SUGP2: variants seen among roughly 807,000 people sequenced by gnomAD.
SUGP2 encodes the protein SURP and G-patch domain-containing protein 2.
Under a neutral mutation model 90.5 loss-of-function variants are expected in SUGP2, and 24 were observed. That is an observed-to-expected ratio of 0.27 (90% CI 0.19 to 0.37). The LOEUF is 0.37. Among genes scored for constraint, SUGP2 ranks in the 10% least tolerant of loss-of-function variants. SUGP2 has a pLI of 1.00. For synonymous variants in SUGP2, 473 were observed against 513.4 expected, an observed-to-expected ratio of 0.92 and a Z score of 1.06; for missense variants, 1,233 against 1,363.3, an observed-to-expected ratio of 0.90 and a Z score of 1.51.
chr19:19,032,966 T>G (rs1203346412), intron 1 of SUGP2: 1 of 139,020 alleles, frequency 7.2e-6, no homozygotes, highest in Non-Finnish European at 1.5e-5. Flanking sequence ...TGTTCTCTGC[T>G]GGCAAAGGGC....
chr19:19,031,072 G>A lies in SUGP2; in HGVS notation c.-1C>T. On this transcript the variant is annotated 5_prime_UTR_variant, in exon 2 of 11. Coordinates refer to ENST00000452918, the MANE Select transcript of SUGP2 (RefSeq NM_001017392.5). ...CCTGTGTAATTCGTCTGGCTGCCAT[G>A]TTATTTTGCCCTATGGTGAGAGAGA... The A allele has an allele frequency of 6.2e-7, 1 of 1,611,448 alleles. No homozygotes were observed. Among genetic ancestry groups the A allele is most frequent in the Non-Finnish European group, 8.5e-7 (1 of 1,179,404 alleles).
intron 1 of SUGP2, among the ~76,000 whole-genome samples, chr19:19,032,745 T>C (rs910489594): frequency 6.6e-6 from 1 of 152,126 alleles, no homozygotes; most frequent in Non-Finnish European, 1.5e-5. Context: ...AAAAAGGGTA[T>C]TCGTGCATCC....
chr19:19,021,159 CAAAA>C (rs386388689), intron 3 of SUGP2, among the ~76,000 whole-genome samples: 1 of 66,964 alleles, frequency 1.5e-5, no homozygotes, highest in African/African-American at 6.2e-5. Flanking sequence ...AATTCCATCT[CAAAA>C]AAAAAAAAAA....
rs550481274 is a variant in SUGP2 at position 19,029,255 on chromosome 19, C to A, written c.121+1696G>T. 7.9e-4 allele frequency among the ~76,000 whole-genome samples: 120 copies of A among 151,738 alleles called. 1 individual carries two copies. The highest frequency in any genetic ancestry group is 2.5e-3 in the African/African-American group (105 of 41,368). The stretch of plus-strand genomic sequence containing the variant: ...CTCCTGGGTTCACGCCATTCTCCTG[C>A]CTCAGCCTCCTGAGTAGCTGGGACT... On this transcript the variant is annotated intron_variant, in intron 2 of 10. Transcript: ENST00000452918.
chr19:19,016,147 T>C (rs1389542739), intron 4 of SUGP2, among the ~76,000 whole-genome samples: 1 of 152,098 alleles, frequency 6.6e-6, no homozygotes, highest in African/African-American at 2.4e-5. Flanking sequence ...AGTTCTTAGT[T>C]TGATGCTTAT....
In SUGP2 at chr19:19,024,581, G is replaced by GA. The variant is rs752153435; in HGVS notation, c.1729+37dup. The GA allele has an allele frequency of 4.5e-6, 7 of 1,558,010 alleles. No individual in the cohort carries two copies. The South Asian group carries it at 4.8e-5, about 11-fold the overall frequency. The stretch of plus-strand genomic sequence containing the variant: ...ATAAAAGACATTACCAAAGAAACAC[G>GA]AAAAACAACAAATAGAAACTTTGGC... On this transcript the variant is annotated intron_variant, in intron 3 of 10. Coordinates refer to ENST00000452918, the MANE Select transcript of SUGP2 (RefSeq NM_001017392.5).
At chr19:19,019,422 CAGT>C (rs2058624588) in intron 3 of SUGP2, among the ~76,000 whole-genome samples, 193 bp from the exon 4 acceptor site, 1 of 152,182 alleles carries the variant, frequency 6.6e-6, no homozygotes, top group Non-Finnish European at 1.5e-5. Flanking sequence ...AAAAATGTAA[CAGT>C]ATAACCACTA....
chr19:19,032,791 A>G (rs943242474), intron 1 of SUGP2, among the ~76,000 whole-genome samples: 2 of 152,130 alleles, frequency 1.3e-5, no homozygotes, highest in African/African-American at 2.4e-5. Context: ...ATTAAGCAAC[A>G]TTTTGGGGTC....
chr19:19,008,587 A>T (rs1268501049), intron 5 of SUGP2, among the ~76,000 whole-genome samples, 159 bp from the exon 6 acceptor site: 1 of 152,128 alleles, frequency 6.6e-6, no homozygotes, highest in Non-Finnish European at 1.5e-5. Flanking sequence ...CCAAGAAGTG[A>T]ACTCTGTGTA....
intron 4 of SUGP2, among the ~76,000 whole-genome samples, chr19:19,014,938 A>C (rs2058442042): frequency 6.6e-6 from 1 of 152,184 alleles, no homozygotes; most frequent in South Asian, 2.1e-4. Flanking sequence ...GCGGTGGCTC[A>C]TGCCTGTAAT....
chr19:19,022,954 G>C (rs1227928564), intron 3 of SUGP2, among the ~76,000 whole-genome samples: 3 of 152,198 alleles, frequency 2.0e-5, no homozygotes, highest in African/African-American at 7.2e-5. Context: ...CAAGAGTTAA[G>C]ACAGCATGAT....
intron 5 of SUGP2, among the ~76,000 whole-genome samples, chr19:19,008,980 T>G (rs936481496): frequency 6.6e-6 from 1 of 152,112 alleles, no homozygotes; most frequent in South Asian, 2.1e-4. Flanking sequence ...GGTGAGATCT[T>G]GGCTCAATGC....
At chr19:19,016,412 G>C (rs1372236824) in intron 4 of SUGP2, among the ~76,000 whole-genome samples, 1 of 152,046 alleles carries the variant, frequency 6.6e-6, no homozygotes, top group African/African-American at 2.4e-5. Flanking sequence ...GAGACCACTG[G>C]GCCATGTGCA....
intron 3 of SUGP2, among the ~76,000 whole-genome samples, 163 bp downstream of exon 3, chr19:19,024,456 C>G (rs961660789): frequency 6.6e-6 from 1 of 152,220 alleles, no homozygotes; most frequent in Non-Finnish European, 1.5e-5. Flanking sequence ...TACACATTCA[C>G]AGAATGAATG....
chr19:19,007,755 C>CTT lies in SUGP2; in HGVS notation c.2450+560_2450+561dup, dbSNP rs34670209. 1.9e-3 allele frequency among the ~76,000 whole-genome samples: 218 copies of CTT among 113,388 alleles called. 33 individuals are homozygous for CTT. Among genetic ancestry groups the CTT allele is most frequent in the Middle Eastern group, 0.011 (2 of 190 alleles). The allele number at this position is 113,388 out of a possible 152,430, so 74.4% of individuals were successfully genotyped here. A position where few individuals can be genotyped will look rare whatever the true frequency, so the allele number is the denominator to read the frequency against. ...ACAAGCATGAGCCATTGCACCTAGC[C>CTT]TTTTTTTTTTTTTTTTTTTTTGGAG... On this transcript the variant is annotated intron_variant, in intron 6 of 10. Transcript: ENST00000452918.
At chr19:19,008,584 G>A (rs1203347374) in intron 5 of SUGP2, among the ~76,000 whole-genome samples, 156 bp from the exon 6 acceptor site, 1 of 152,200 alleles carries the variant, frequency 6.6e-6, no homozygotes, top group East Asian at 1.9e-4. Flanking sequence ...TCACCAAGAA[G>A]TGAACTCTGT....
intron 6 of SUGP2, among the ~76,000 whole-genome samples, chr19:19,005,000 C>T (rs2058006202): frequency 6.6e-6 from 1 of 152,144 alleles, no homozygotes; most frequent in South Asian, 2.1e-4. Context: ...CTCCATGTGC[C>T]CATTTTGACT....
At position 19,004,144 on chromosome 19, in the gene SUGP2, C is replaced by T. The variant is rs781371217; in HGVS notation, c.2929+24G>A. The T allele has an allele frequency of 1.1e-5, 17 of 1,512,626 alleles. No homozygotes were observed. The East Asian group carries it at 3.6e-4, about 32-fold the overall frequency. The allele number at this position is 1,512,626 out of a possible 1,614,324, so 93.7% of individuals were successfully genotyped here. On this transcript the variant is annotated intron_variant, in intron 7 of 10. Coordinates refer to ENST00000452918, the MANE Select transcript of SUGP2 (RefSeq NM_001017392.5). ...CAACCAAGAACTGTGCTAGAGGCAA[C>T]TGTGCCGACAGGCGGGCACTCACCT... is the stretch of plus-strand genomic sequence containing the variant.
At chr19:19,020,154 G>A (rs2058667679) in intron 3 of SUGP2, among the ~76,000 whole-genome samples, 1 of 151,844 alleles carries the variant, frequency 6.6e-6, no homozygotes, top group South Asian at 2.1e-4. Flanking sequence ...TTTTGGCCAG[G>A]CACAGTGGCT....
Sources: gnomAD v4.1 joint callset for allele counts (sites outside exome capture counted in the v4.1 genomes callset) on GRCh38, gnomAD v4.1.1 for gene constraint, MANE v1.5 for transcripts, NCBI Gene and HGNC (gene_info 2026-07-23, HGNC 2026-07-21) for gene names.